Variants in AGPAT4 observed in about 807,000 individuals in gnomAD.
AGPAT4 encodes the protein 1-acyl-sn-glycerol-3-phosphate acyltransferase delta.
A neutral mutation model predicts 48.0 loss-of-function variants in AGPAT4; 15 were observed. The observed-to-expected ratio is 0.31, with a 90% CI of 0.21 to 0.48. The LOEUF (loss-of-function observed/expected upper bound fraction) is 0.48. Among genes scored for constraint, AGPAT4 ranks in the 20% least tolerant of loss-of-function variants. The pLI is 0.99. For missense variants in AGPAT4, 314 were observed against 482.5 expected (o/e 0.65, Z 3.27); for synonymous variants, 178 against 198.7 (o/e 0.90, Z 0.88).
At chr6:161,263,353 T>G (rs1159902819) in intron 1 of AGPAT4, among the ~76,000 whole-genome samples, 2 of 152,086 alleles carry the variant, frequency 1.3e-5, no homozygotes, top group African/African-American at 4.8e-5. Flanking sequence ...TAGCTGGGTG[T>G]GGTGGCGGGC....
Position 161,204,218 on chromosome 6 carries a change from G to A in AGPAT4, c.178+27818C>T, listed in dbSNP as rs1366643199. On this transcript the variant is annotated intron_variant, in intron 2 of 8. Transcript: ENST00000320285. This position sits in a 1 kb window ranked among gnomAD's most constrained non-coding sequence, Gnocchi z 4.4. Reference sequence around the variant, plus strand: ...TTCTCATTAGTAAGTGTACATAAAAGGGATTTGTGTGTTTATTAATAATTT... The same window carrying A: ...TTCTCATTAGTAAGTGTACATAAAAAGGATTTGTGTGTTTATTAATAATTT... Among the ~76,000 whole-genome samples the A allele has an allele frequency of 2.6e-5, 4 of 152,160 alleles. No individual in the cohort carries two copies. The highest frequency in any genetic ancestry group is 2.6e-4 in the Admixed American group (4 of 15,278).
At position 161,219,903 on chromosome 6, in the gene AGPAT4, G is replaced by T. The variant is rs1163989048; in HGVS notation, c.178+12133C>A. Reference sequence around the variant, plus strand: ...GGCAGGCAGGCAGGCAGGCAGGCAGGCAGGCAGGCAGGCGGCAGGCAGGCA... The same window carrying T: ...GGCAGGCAGGCAGGCAGGCAGGCAGTCAGGCAGGCAGGCGGCAGGCAGGCA... On this transcript the variant is annotated intron_variant, in intron 2 of 8. Transcript: ENST00000320285. This position sits in a 1 kb window ranked among gnomAD's most constrained non-coding sequence, Gnocchi z 4.9. Among the ~76,000 whole-genome samples, 5 of 137,140 alleles carry T rather than the reference G, an allele frequency of 3.6e-5. No homozygotes were observed. The South Asian group carries it at 1.2e-3, about 33-fold the overall frequency. The allele number at this position is 137,140 out of a possible 152,430, so 90.0% of individuals were successfully genotyped here.
Position 161,142,079 on chromosome 6 carries a change from C to A in AGPAT4, c.844-2459G>T, listed in dbSNP as rs1172906295. 6.6e-6 allele frequency among the ~76,000 whole-genome samples: 1 copy of A among 152,232 alleles called. No homozygotes were observed. Among genetic ancestry groups the A allele is most frequent in the Non-Finnish European group, 1.5e-5 (1 of 68,038 alleles). ...ATGTTGGCCAGGCTGGTATTGAACTCCTGACCTCAGGTGATCCTCCTGCCT... is the reference window on the plus strand; with the variant it reads ...ATGTTGGCCAGGCTGGTATTGAACTACTGACCTCAGGTGATCCTCCTGCCT... On this transcript the variant is annotated intron_variant, in intron 7 of 8. Coordinates refer to ENST00000320285, the MANE Select transcript of AGPAT4 (RefSeq NM_020133.3). This position sits in a 1 kb window ranked among gnomAD's most constrained non-coding sequence, Gnocchi z 6.4.
rs565732001 is a variant in AGPAT4 at position 161,236,523 on chromosome 6, G to A, written c.-89-4221C>T. Among the ~76,000 whole-genome samples the A allele has an allele frequency of 6.6e-6, 1 of 152,202 alleles. No individual in the cohort carries two copies. The highest frequency in any genetic ancestry group is 2.4e-5 in the African/African-American group (1 of 41,534). ...TTCTACTGGGAATTCTCTTTCAACA[G>A]GTTCACACAAAGAAATCTGGCCACA... On this transcript the variant is annotated intron_variant, in intron 1 of 8. Transcript: ENST00000320285. This position sits in a 1 kb window ranked among gnomAD's most constrained non-coding sequence, Gnocchi z 5.0.
At position 161,235,145 on chromosome 6, in the gene AGPAT4, TG is replaced by T. The variant is rs776275916; in HGVS notation, c.-89-2844del. On this transcript the variant is annotated intron_variant, in intron 1 of 8. Coordinates refer to ENST00000320285, the MANE Select transcript of AGPAT4 (RefSeq NM_020133.3). This position sits in a 1 kb window ranked among gnomAD's most constrained non-coding sequence, Gnocchi z 6.2. ...GTTCAACTGCCCAAGTTTGCAGCTC[TG>T]CCCTGTCTCTTATTAGTTGTGTATT... Among the ~76,000 whole-genome samples the T allele has an allele frequency of 6.6e-6, 1 of 152,190 alleles. No individual in the cohort carries two copies. The highest frequency in any genetic ancestry group is 1.5e-5 in the Non-Finnish European group (1 of 68,042).
At chr6:161,224,867 TTC>T (rs1167663465) in intron 2 of AGPAT4, among the ~76,000 whole-genome samples, 3 of 152,214 alleles carry the variant, frequency 2.0e-5, no homozygotes, top group African/African-American at 7.2e-5. Flanking sequence ...CAGTTATAGA[TTC>T]TGTTAGATAT....
In AGPAT4 at chr6:161,197,166, A is replaced by T. The variant is rs181285333; in HGVS notation, c.179-30749T>A. On this transcript the variant is annotated intron_variant, in intron 2 of 8. Coordinates refer to ENST00000320285, the MANE Select transcript of AGPAT4 (RefSeq NM_020133.3). The surrounding 1 kb of genome is among the most constrained non-coding windows in gnomAD (Gnocchi z 5.7). ...GTATTTTAGGAGATGGGCCATTTGGAAAAAAATGAGATAAACCAATGCTTT... is the reference window on the plus strand; with the variant it reads ...GTATTTTAGGAGATGGGCCATTTGGTAAAAAATGAGATAAACCAATGCTTT... Among the ~76,000 whole-genome samples the T allele has an allele frequency of 5.8e-4, 89 of 152,236 alleles. 3 individuals carry two copies. In the East Asian group the frequency reaches 7.5e-3, roughly 13 times the overall value.
rs1229762329 is a variant in AGPAT4, at chr6:161,272,661, C to T, written c.-90+1277G>A. On this transcript the variant is annotated intron_variant, in intron 1 of 8. Transcript: ENST00000320285. This position sits in a 1 kb window ranked among gnomAD's most constrained non-coding sequence, Gnocchi z 4.2. ...AAGATGGAATCCTTTTAACGTAGAA[C>T]TCAAGATGTGCCCTGTTCTCCCTGC... is the stretch of plus-strand genomic sequence containing the variant. Among the ~76,000 whole-genome samples the T allele has an allele frequency of 6.6e-6, 1 of 151,942 alleles. No individual in the cohort carries two copies. The highest frequency in any genetic ancestry group is 1.5e-5 in the Non-Finnish European group (1 of 68,010).
rs1489793497 is a variant in AGPAT4 at position 161,177,607 on chromosome 6, G to T, written c.179-11190C>A. On this transcript the variant is annotated intron_variant, in intron 2 of 8. Coordinates refer to ENST00000320285, the MANE Select transcript of AGPAT4 (RefSeq NM_020133.3). The surrounding 1 kb of genome is among the most constrained non-coding windows in gnomAD (Gnocchi z 5.0). ...GGTTCAAACATCCTCCTTTAGCTCG[G>T]AGAAGTTTGTTATTACTGATCGTCT... Among the ~76,000 whole-genome samples, 4 of 152,058 alleles carry T rather than the reference G, an allele frequency of 2.6e-5. No homozygotes were observed. Among genetic ancestry groups the T allele is most frequent in the Non-Finnish European group, 4.4e-5 (3 of 68,016 alleles).
rs961203190 is a variant in AGPAT4 at position 161,155,139 on chromosome 6, A to T, written c.349-829T>A. 1.3e-5 allele frequency among the ~76,000 whole-genome samples: 2 copies of T among 152,172 alleles called. No homozygotes were observed. The highest frequency in any genetic ancestry group is 6.5e-5 in the Admixed American group (1 of 15,282). ...CCACAGGTCCCCTCTGGGGAGTCTC[A>T]GGGCAGTCCTGGGTCCCCAGGGCTC... On this transcript the variant is annotated intron_variant, in intron 3 of 8. Transcript: ENST00000320285. This position sits in a 1 kb window ranked among gnomAD's most constrained non-coding sequence, Gnocchi z 5.8.
In AGPAT4 at chr6:161,233,144, C is replaced by G. The variant is rs947924829; in HGVS notation, c.-89-842G>C. 2.1e-5 allele frequency among the ~76,000 whole-genome samples: 3 copies of G among 146,192 alleles called. No homozygotes were observed. The highest frequency in any genetic ancestry group is 4.6e-5 in the Non-Finnish European group (3 of 65,902). ...ACACACACACACACACACACACACA[C>G]AGATACACACATCCTTAAGTGTTCT... is the stretch of plus-strand genomic sequence containing the variant. On this transcript the variant is annotated intron_variant, in intron 1 of 8. Coordinates refer to ENST00000320285, the MANE Select transcript of AGPAT4 (RefSeq NM_020133.3). This position sits in a 1 kb window ranked among gnomAD's most constrained non-coding sequence, Gnocchi z 5.4.
At chr6:161,156,409 T>C (rs1779770399) in intron 3 of AGPAT4, among the ~76,000 whole-genome samples, 1 of 152,184 alleles carries the variant, frequency 6.6e-6, no homozygotes, top group African/African-American at 2.4e-5. Context: ...AAATATTCAT[T>C]CTCTGGCCCA....
intron 2 of AGPAT4, among the ~76,000 whole-genome samples, chr6:161,187,781 T>A (rs1243846691): frequency 1.3e-5 from 2 of 152,262 alleles, no homozygotes; most frequent in African/African-American, 4.8e-5. Flanking sequence ...TGATCTCAAG[T>A]GATCTGCCCA....
chr6:161,157,797 A>C (rs1406848447), intron 3 of AGPAT4, among the ~76,000 whole-genome samples: 3 of 152,202 alleles, frequency 2.0e-5, no homozygotes, highest in Non-Finnish European at 4.4e-5. Flanking sequence ...TTTCCCTGGC[A>C]GGGCTGCATG....
Position 161,217,899 on chromosome 6 carries a change from A to G in AGPAT4, c.178+14137T>C, listed in dbSNP as rs962681163. Among the ~76,000 whole-genome samples, 2 of 152,196 alleles carry G rather than the reference A, an allele frequency of 1.3e-5. No individual in the cohort carries two copies. Among genetic ancestry groups the G allele is most frequent in the Non-Finnish European group, 2.9e-5 (2 of 68,018 alleles). On this transcript the variant is annotated intron_variant, in intron 2 of 8. Transcript: ENST00000320285. This position sits in a 1 kb window ranked among gnomAD's most constrained non-coding sequence, Gnocchi z 4.9. ...CAGCTCTGGGTTTGTTCTTGTTTGG[A>G]TAACATGCAGAACTCACCATCACTA...
chr6:161,210,374 G>C (rs980423828), intron 2 of AGPAT4, among the ~76,000 whole-genome samples: 12 of 152,132 alleles, frequency 7.9e-5, no homozygotes, highest in Admixed American at 7.2e-4. Context: ...TTGTGAAACA[G>C]ATTATCAAGA....
intron 2 of AGPAT4, among the ~76,000 whole-genome samples, chr6:161,209,206 G>A (rs1175689120): frequency 6.6e-6 from 1 of 152,138 alleles, no homozygotes; most frequent in Non-Finnish European, 1.5e-5. Context: ...GAAGAGCTGA[G>A]CAGAAAGCCA....
chr6:161,139,556 C>T lies in AGPAT4; in HGVS notation c.908G>A (p.Arg303Gln), dbSNP rs750463380. ...TFPETPMVPP[R>Q]RPWTLVNWLF... ...CCAGTTCACGAGGGTCCAGGGCCGC[C>T]GGGGGGGCACCATGGGCGTCTCTGG... Residue 303 changes from arginine (R) to glutamine (Q), a missense_variant, in exon 8 of 9, where the codon CGG becomes CAG. By Grantham distance (43) the Arg-to-Gln change is conservative. Coordinates refer to ENST00000320285, the MANE Select transcript of AGPAT4 (RefSeq NM_020133.3). This position sits in a 1 kb window ranked among gnomAD's most constrained non-coding sequence, Gnocchi z 9.1. 21 of 1,613,512 alleles carry T rather than the reference C, an allele frequency of 1.3e-5. No homozygotes were observed. The highest frequency in any genetic ancestry group is 1.6e-5 in the Non-Finnish European group (19 of 1,179,760).
In AGPAT4 at chr6:161,242,377, T is replaced by C. The variant is rs950756473; in HGVS notation, c.-89-10075A>G. 2.6e-5 allele frequency among the ~76,000 whole-genome samples: 4 copies of C among 152,194 alleles called. No individual in the cohort carries two copies. Among genetic ancestry groups the C allele is most frequent in the Non-Finnish European group, 4.4e-5 (3 of 68,044 alleles). Reference sequence around the variant, plus strand: ...CCTGGGATTTCAGTCCATGGTCTTGTTTCTGACTGTTGGGGTGCTCATGAG... The same window carrying C: ...CCTGGGATTTCAGTCCATGGTCTTGCTTCTGACTGTTGGGGTGCTCATGAG... On this transcript the variant is annotated intron_variant, in intron 1 of 8. Coordinates refer to ENST00000320285, the MANE Select transcript of AGPAT4 (RefSeq NM_020133.3). This position sits in a 1 kb window ranked among gnomAD's most constrained non-coding sequence, Gnocchi z 5.0.
Sources: gnomAD v4.1 joint callset for allele counts (sites outside exome capture counted in the v4.1 genomes callset) on GRCh38, gnomAD v4.1.1 for gene constraint, Gnocchi (gnomAD v3.1) non-coding constraint, MANE v1.5 for transcripts, NCBI Gene and HGNC (gene_info 2026-07-23, HGNC 2026-07-21) for gene names.